WWOX: variants seen among roughly 807,000 people sequenced by gnomAD.
WWOX encodes the protein WW domain-containing oxidoreductase.
A neutral mutation model predicts 46.2 loss-of-function variants in WWOX; 69 were observed. The ratio of observed to expected loss-of-function variants is 1.49; its 90% confidence interval spans 1.23 to 1.82. The LOEUF is 1.82. Ranked by LOEUF, WWOX falls within the 40% of genes most tolerant of loss-of-function variation. The pLI, the probability that WWOX is intolerant of heterozygous loss-of-function variation, is 0.00. For missense variants in WWOX, 919 were observed against 542.6 expected, an observed-to-expected ratio of 1.69 and a Z score of -6.89; for synonymous variants, 359 against 202.6, an observed-to-expected ratio of 1.77 and a Z score of -6.56.
intron 5 of WWOX, among the ~76,000 whole-genome samples, chr16:78,237,858 A>G (rs866871252): frequency 6.6e-6 from 1 of 152,214 alleles, no homozygotes; most frequent in Non-Finnish European, 1.5e-5. Context: ...CTCTTGGCTC[A>G]CAAAGCCTAA....
At chr16:78,417,104 C>G (rs2082815909) in intron 6 of WWOX, among the ~76,000 whole-genome samples, 1 of 150,486 alleles carries the variant, frequency 6.6e-6, no homozygotes, top group African/African-American at 2.5e-5. Context: ...TGTTGCTCTT[C>G]CTCAGTTGCC....
chr16:78,731,451 A>T (rs749856840), intron 8 of WWOX, among the ~76,000 whole-genome samples: 5 of 152,036 alleles, frequency 3.3e-5, no homozygotes, highest in Non-Finnish European at 7.3e-5. Context: ...CAGTGTTTCA[A>T]CATAGACTTG....
chr16:78,099,895 C>T lies in WWOX; in HGVS notation c.107+10C>T, dbSNP rs1214903397. 6.4e-7 allele frequency: 1 copy of T among 1,556,572 alleles called. No individual in the cohort carries two copies. The highest frequency in any genetic ancestry group is 1.9e-5 in the Admixed American group (1 of 51,534). ...GGGTTTACTACGCCAAGTAAGGGGG[C>T]CGCAGTGGGGCCGCGGACGCACCTG... On this transcript the variant is annotated intron_variant, in intron 1 of 8. Transcript: ENST00000566780.
At chr16:79,009,121 C>T (rs1256832639) in intron 8 of WWOX, among the ~76,000 whole-genome samples, 2 of 152,230 alleles carry the variant, frequency 1.3e-5, no homozygotes, top group Non-Finnish European at 2.9e-5. Context: ...CCTGCCCTTC[C>T]AGGCTTAATG....
intron 8 of WWOX, among the ~76,000 whole-genome samples, chr16:78,839,855 G>C (rs528630174): frequency 7.2e-5 from 11 of 152,166 alleles, no homozygotes; most frequent in Non-Finnish European, 1.6e-4. Flanking sequence ...AAGTGCTTTT[G>C]TTTCCAGTGA....
intron 5 of WWOX, among the ~76,000 whole-genome samples, chr16:78,337,385 T>C (rs903153974): frequency 6.6e-6 from 1 of 152,226 alleles, no homozygotes; most frequent in Admixed American, 6.5e-5. Flanking sequence ...TGCTGTCCTG[T>C]GTACCCACTG....
rs550760999 is a variant in WWOX at position 79,055,827 on chromosome 16, A to T, written c.1057-155781A>T. Among the ~76,000 whole-genome samples the T allele has an allele frequency of 1.2e-3, 178 of 152,302 alleles. 2 individuals are homozygous for T. Among genetic ancestry groups the T allele is most frequent in the Middle Eastern group, 6.8e-3 (2 of 294 alleles). On this transcript the variant is annotated intron_variant, in intron 8 of 8. Transcript: ENST00000566780. ...TTTCCTAAAACTCAAAGTGAGTCAGACTTCTTAGGCTTGTAGATGTTGAGG... is the reference window on the plus strand; with the variant it reads ...TTTCCTAAAACTCAAAGTGAGTCAGTCTTCTTAGGCTTGTAGATGTTGAGG...
At position 78,397,985 on chromosome 16, in the gene WWOX, C is replaced by T. The variant is rs556102188; in HGVS notation, c.605+11037C>T. Among the ~76,000 whole-genome samples the T allele has an allele frequency of 2.2e-3, 340 of 152,322 alleles. 2 individuals carry two copies. Among genetic ancestry groups the T allele is most frequent in the African/African-American group, 3.9e-3 (162 of 41,570 alleles). On this transcript the variant is annotated intron_variant, in intron 6 of 8. Transcript: ENST00000566780. Reference sequence around the variant, plus strand: ...TTCATGGAGTTCGTTTAAGCTGAAGCGGCAGCTGTTGACTGTCATTTGCAT... The same window carrying T: ...TTCATGGAGTTCGTTTAAGCTGAAGTGGCAGCTGTTGACTGTCATTTGCAT...
intron 8 of WWOX, among the ~76,000 whole-genome samples, chr16:79,068,693 C>T (rs1012806615): frequency 6.6e-5 from 10 of 151,830 alleles, no homozygotes; most frequent in Admixed American, 1.3e-4. Flanking sequence ...TGCCTGTGCT[C>T]CCAGCCACTC....
At chr16:78,312,381 C>CTTTTTTTTTTTTTTTTTTT (rs561304972) in intron 5 of WWOX, among the ~76,000 whole-genome samples, 10 of 132,850 alleles carry the variant, frequency 7.5e-5, no homozygotes, top group African/African-American at 2.8e-4. Context: ...AGGTCTAATT[C>CTTTTTTTTTTTTTTTTTTT]TTTTTTTTTT....
chr16:78,624,655 G>A (rs1567444989), intron 8 of WWOX, among the ~76,000 whole-genome samples: 1 of 152,062 alleles, frequency 6.6e-6, no homozygotes, highest in African/African-American at 2.4e-5. Flanking sequence ...TGAGAAGGGG[G>A]AAAAAACCCT....
At chr16:78,906,528 G>A (rs183119386) in intron 8 of WWOX, among the ~76,000 whole-genome samples, 1 of 152,230 alleles carries the variant, frequency 6.6e-6, no homozygotes, top group African/African-American at 2.4e-5. Flanking sequence ...GGCCACGATT[G>A]CAGGGTAGTC....
intron 8 of WWOX, among the ~76,000 whole-genome samples, chr16:78,441,158 G>A (rs952465800): frequency 2.0e-5 from 3 of 152,192 alleles, no homozygotes; most frequent in Non-Finnish European, 4.4e-5. Context: ...GGCCAAGCTC[G>A]TCTCAAACCT....
At chr16:78,194,108 G>A (rs921659360) in intron 5 of WWOX, among the ~76,000 whole-genome samples, 2 of 151,572 alleles carry the variant, frequency 1.3e-5, no homozygotes, top group South Asian at 2.1e-4. Flanking sequence ...TCGATCTCCT[G>A]ACCTCGTGAT....
intron 8 of WWOX, among the ~76,000 whole-genome samples, chr16:78,546,027 C>T (rs759293588): frequency 2.0e-5 from 3 of 152,162 alleles, no homozygotes; most frequent in Admixed American, 1.3e-4. Context: ...GCAGTTTAGT[C>T]TGTAACATGC....
intron 6 of WWOX, among the ~76,000 whole-genome samples, chr16:78,394,159 GAAT>G (rs2082237695): frequency 6.6e-6 from 1 of 152,050 alleles, no homozygotes; most frequent in African/African-American, 2.4e-5. Context: ...TCGGTTTTAA[GAAT>G]AATGTTTTAG....
intron 8 of WWOX, among the ~76,000 whole-genome samples, chr16:79,031,620 T>G (rs991615705): frequency 2.6e-5 from 4 of 151,802 alleles, no homozygotes; most frequent in Admixed American, 6.6e-5. Flanking sequence ...TTTATTTATT[T>G]TTAAAATTGA....
intron 8 of WWOX, among the ~76,000 whole-genome samples, chr16:79,207,580 TGAATATATAGATATG>T (rs1388831468): frequency 1.3e-5 from 2 of 152,254 alleles, no homozygotes; most frequent in Non-Finnish European, 1.5e-5. Flanking sequence ...TCACAATCAT[TGAATATATAGATATG>T]CCATGATATT....
chr16:79,057,311 G>A (rs2048281229), intron 8 of WWOX, among the ~76,000 whole-genome samples: 1 of 152,164 alleles, frequency 6.6e-6, no homozygotes. Context: ...GAATTGCAGT[G>A]GAAATCAGTG....
Sources: gnomAD v4.1 joint callset for allele counts (sites outside exome capture counted in the v4.1 genomes callset) on GRCh38, gnomAD v4.1.1 for gene constraint, MANE v1.5 for transcripts, NCBI Gene and HGNC (gene_info 2026-07-23, HGNC 2026-07-21) for gene names.